The following ANKRD18A variants were observed in gnomAD, a reference collection of about 807,000 sequenced individuals.
The protein encoded by ANKRD18A is ankyrin repeat domain 18A, also known as ankyrin repeat domain-containing protein 18A.
In ANKRD18A, 72 loss-of-function variants were observed where a neutral mutation model predicts 110.6. The observed-to-expected ratio is 0.65, with a 90% CI of 0.54 to 0.79. The LOEUF is 0.79. ANKRD18A is among the 30% of genes least tolerant of loss of function. The pLI, the probability that ANKRD18A is intolerant of heterozygous loss-of-function variation, is 0.00. For synonymous variants in ANKRD18A, 305 were observed against 410.3 expected, an observed-to-expected ratio of 0.74 and a Z score of 3.10; for missense variants, 934 against 1,163.3, an observed-to-expected ratio of 0.80 and a Z score of 2.87.
intron 10 of ANKRD18A, among the ~76,000 whole-genome samples, chr9:38,592,051 T>G (rs1200263428): frequency 6.6e-6 from 1 of 152,212 alleles, no homozygotes; most frequent in African/African-American, 2.4e-5. Flanking sequence ...TTTGGCTACA[T>G]AGTGAAGGAA....
intron 1 of ANKRD18A, among the ~76,000 whole-genome samples, chr9:38,616,655 C>G (rs530389496): frequency 1.1e-4 from 17 of 152,122 alleles, no homozygotes; most frequent in Non-Finnish European, 2.2e-4. Context: ...GGAATGTCAC[C>G]TTGTTGCCCA....
intron 10 of ANKRD18A, among the ~76,000 whole-genome samples, chr9:38,592,368 A>G (rs560774866): frequency 6.6e-6 from 1 of 152,254 alleles, no homozygotes; most frequent in Non-Finnish European, 1.5e-5. Context: ...ATGAAAAGCC[A>G]TGTCAAATTA....
intron 12 of ANKRD18A, among the ~76,000 whole-genome samples, chr9:38,583,133 G>T (rs1204772892): frequency 6.6e-6 from 1 of 152,142 alleles, no homozygotes; most frequent in African/African-American, 2.4e-5. Flanking sequence ...TCACACCACA[G>T]GACCAAATCT....
chr9:38,591,811 A>G (rs1185108986), intron 10 of ANKRD18A, among the ~76,000 whole-genome samples: 1 of 152,210 alleles, frequency 6.6e-6, no homozygotes, highest in African/African-American at 2.4e-5. Flanking sequence ...TGAGTAGTAC[A>G]TAACCGACAT....
intron 6 of ANKRD18A, chr9:38,604,985 A>G (rs1825289217): frequency 6.2e-6 from 1 of 162,584 alleles, no homozygotes; most frequent in Non-Finnish European, 1.5e-5. Context: ...CTTACCTGGC[A>G]AAGTTCCACT....
At chr9:38,577,319 G>A (rs1823939174) in intron 13 of ANKRD18A, 55 bp from the exon 14 acceptor site, 1 of 1,475,232 alleles carries the variant, frequency 6.8e-7, no homozygotes, top group South Asian at 1.4e-5. Flanking sequence ...AATTACCATA[G>A]GTTTGTTGCC....
At chr9:38,591,870 T>C (rs943994768) in intron 10 of ANKRD18A, among the ~76,000 whole-genome samples, 20 of 152,292 alleles carry the variant, frequency 1.3e-4, no homozygotes, top group African/African-American at 4.8e-4. Flanking sequence ...CTGGACTCTA[T>C]TGCTAAATCA....
At chr9:38,577,028 T>G (rs1196315887) in intron 14 of ANKRD18A, 25 bp downstream of exon 14, 5 of 1,536,996 alleles carry the variant, frequency 3.3e-6, no homozygotes, top group African/African-American at 2.8e-5. Flanking sequence ...GAATTCATTT[T>G]CTATGAGTGT....
intron 1 of ANKRD18A, among the ~76,000 whole-genome samples, chr9:38,619,854 G>A (rs1009069809): frequency 3.9e-5 from 6 of 152,216 alleles, no homozygotes; most frequent in African/African-American, 1.4e-4. Flanking sequence ...ATGGCCCCAT[G>A]TTTTAAACGT....
intron 6 of ANKRD18A, 55 bp downstream of exon 6, chr9:38,607,371 T>A (rs1423425272): frequency 7.1e-7 from 1 of 1,404,870 alleles, no homozygotes. Context: ...ATTTTGCTTT[T>A]TAAAATCAGT....
chr9:38,567,854 C>T (rs1823518826), downstream of ANKRD18A: 2 of 152,184 alleles, frequency 1.3e-5, no homozygotes, highest in Non-Finnish European at 2.9e-5. Flanking sequence ...AATCTGCTTG[C>T]ATGTCAACTC....
chr9:38,576,759 G>A (rs1006148090), intron 14 of ANKRD18A, among the ~76,000 whole-genome samples: 3 of 151,990 alleles, frequency 2.0e-5, no homozygotes, highest in African/African-American at 7.2e-5. Context: ...TCACTTTATT[G>A]ATCATAAAGC....
chr9:38,596,072 T>G lies in ANKRD18A; in HGVS notation c.1268A>C (p.His423Pro), dbSNP rs1318979619. 1 of 1,551,312 alleles carries G rather than the reference T, an allele frequency of 6.4e-7. No individual in the cohort carries two copies. Among genetic ancestry groups the G allele is most frequent in the Non-Finnish European group, 8.7e-7 (1 of 1,146,724 alleles). Residue 423 changes from histidine to proline, a missense_variant, in exon 9 of 16, where the codon CAT becomes CCT. His to Pro is a moderately conservative substitution (Grantham distance 77). Transcript: ENST00000399703. ...ATTTATAGCAGTGGCCAGGCTAGAA[T>G]GGAGGGATTCAACTTCAGCTTCTAG... The part of the protein sequence containing the change: ...ERLEAEVESL[H>P]SSLATAINEY...
chr9:38,584,051 C>T (rs144923676), intron 12 of ANKRD18A, among the ~76,000 whole-genome samples: 1 of 152,214 alleles, frequency 6.6e-6, no homozygotes, highest in Non-Finnish European at 1.5e-5. Context: ...AGGAGCCTGG[C>T]CTCTTCAGCT....
chr9:38,609,526 C>G (rs1825512835), intron 5 of ANKRD18A, among the ~76,000 whole-genome samples: 2 of 151,942 alleles, frequency 1.3e-5, no homozygotes, highest in South Asian at 4.2e-4. Context: ...GCTGTGGACT[C>G]TGTGTATGAG....
chr9:38,572,914 T>A, intron 15 of ANKRD18A: 1 of 341,076 alleles, frequency 2.9e-6, no homozygotes, highest in South Asian at 1.3e-4. Flanking sequence ...TGCATAAGTA[T>A]ACTCTTCACT....
At chr9:38,584,782 A>G (rs1824307892) in intron 12 of ANKRD18A, among the ~76,000 whole-genome samples, 1 of 152,160 alleles carries the variant, frequency 6.6e-6, no homozygotes, top group Non-Finnish European at 1.5e-5. Flanking sequence ...AAGCACTGAG[A>G]GATTTATATT....
intron 4 of ANKRD18A, 39 bp from the exon 5 acceptor site, chr9:38,610,449 A>G: frequency 6.6e-7 from 1 of 1,517,582 alleles, no homozygotes; most frequent in Middle Eastern, 1.7e-4. Context: ...AAGAACTTTG[A>G]TGAAGATATT....
At chr9:38,575,799 A>T (rs10973918) in intron 14 of ANKRD18A, 101 bp from the exon 15 acceptor site, 385,667 of 1,169,048 alleles carry the variant, frequency 0.33, 65,017 homozygotes, top group East Asian at 0.56. Context: ...GTAAACCAAA[A>T]TACCCATTAA....
Sources: gnomAD v4.1 joint callset for allele counts (sites outside exome capture counted in the v4.1 genomes callset) on GRCh38, gnomAD v4.1.1 for gene constraint, MANE v1.5 for transcripts, NCBI Gene and HGNC (gene_info 2026-07-23, HGNC 2026-07-21) for gene names.